AGAP1: variants seen among roughly 807,000 people sequenced by gnomAD.
AGAP1 encodes the protein ArfGAP with GTPase domain, ankyrin repeat and PH domain 1, also known as arf-GAP with GTPase, ANK repeat and PH domain-containing protein 1.
A neutral mutation model predicts 105.3 loss-of-function variants in AGAP1; 29 were observed. That is an observed-to-expected ratio of 0.28 (90% confidence interval 0.21 to 0.38). AGAP1 has a LOEUF of 0.38. AGAP1 is among the 10% of genes least tolerant of loss of function. The pLI is 1.00. For synonymous variants in AGAP1, 509 were observed against 485.9 expected (o/e 1.05, Z -0.63); for missense variants, 998 against 1,165.1 (o/e 0.86, Z 2.09).
At chr2:235,522,238 A>T (rs1942651048) in intron 1 of AGAP1, among the ~76,000 whole-genome samples, 1 of 152,184 alleles carries the variant, frequency 6.6e-6, no homozygotes, top group African/African-American at 2.4e-5. Context: ...GTGGACAGGG[A>T]GTCCAGATGG....
At chr2:235,532,480 A>G (rs934340753) in intron 1 of AGAP1, among the ~76,000 whole-genome samples, 2 of 152,228 alleles carry the variant, frequency 1.3e-5, no homozygotes, top group Non-Finnish European at 2.9e-5. Flanking sequence ...TGCTAGGATT[A>G]CAGGTGTGAG....
intron 1 of AGAP1, among the ~76,000 whole-genome samples, chr2:235,528,207 TC>T (rs1051450125): frequency 3.3e-5 from 5 of 151,218 alleles, no homozygotes; most frequent in Non-Finnish European, 4.4e-5. Context: ...TCCTTCCCCA[TC>T]CCCCCCACAT....
chr2:236,119,452 A>G lies in AGAP1; in HGVS notation c.2115-740A>G, dbSNP rs3754645. Among the ~76,000 whole-genome samples the G allele has an allele frequency of 0.32, 48,839 of 151,994 alleles. 8,072 individuals are homozygous for G. The highest frequency in any genetic ancestry group is 0.45 in the South Asian group (2,146 of 4,820). ...CCCTCTCCTGCGTGAGTCTGTTGCC[A>G]TGTTTTCCTCAGCTGAAAGGGTTTG... is the stretch of plus-strand genomic sequence containing the variant. On this transcript the variant is annotated intron_variant, in intron 16 of 17. Transcript: ENST00000304032. This position sits in a 1 kb window ranked among gnomAD's most constrained non-coding sequence, Gnocchi z 6.6.
intron 1 of AGAP1, among the ~76,000 whole-genome samples, chr2:235,514,183 C>T (rs1365395176): frequency 1.3e-5 from 2 of 148,454 alleles, no homozygotes; most frequent in Non-Finnish European, 1.5e-5. Context: ...CACACACACA[C>T]ATACCTCCTC....
intron 9 of AGAP1, among the ~76,000 whole-genome samples, chr2:235,835,534 G>GC (rs1393105736): frequency 6.6e-6 from 1 of 152,166 alleles, no homozygotes; most frequent in Non-Finnish European, 1.5e-5. Flanking sequence ...GTTGCCCACT[G>GC]CCCCACCCTG....
In AGAP1 at chr2:235,737,276, C is replaced by G. The variant is rs185818815; in HGVS notation, c.311-3687C>G. 1.3e-5 allele frequency among the ~76,000 whole-genome samples: 2 copies of G among 151,824 alleles called. No homozygotes were observed. The highest frequency in any genetic ancestry group is 4.8e-5 in the African/African-American group (2 of 41,388). ...TTTGCTTTCTGATTTAAGTGTAATACGAAAAAAAATCATGCAAATCAATTA... is the reference window on the plus strand; with the variant it reads ...TTTGCTTTCTGATTTAAGTGTAATAGGAAAAAAAATCATGCAAATCAATTA... On this transcript the variant is annotated intron_variant, in intron 3 of 17. Coordinates refer to ENST00000304032, the MANE Select transcript of AGAP1 (RefSeq NM_001037131.3). This position sits in a 1 kb window ranked among gnomAD's most constrained non-coding sequence, Gnocchi z 4.5.
At position 235,960,522 on chromosome 2, in the gene AGAP1, C is replaced by T. The variant is rs1575893494; in HGVS notation, c.1484-7940C>T. On this transcript the variant is annotated intron_variant, in intron 12 of 17. Transcript: ENST00000304032. The surrounding 1 kb of genome is among the most constrained non-coding windows in gnomAD (Gnocchi z 4.9). Reference sequence around the variant, plus strand: ...GTATGCTCGGTCCAGTGCAGGTGGGCGTGCGGACTCTTCCGTACCTCACTT... The same window carrying T: ...GTATGCTCGGTCCAGTGCAGGTGGGTGTGCGGACTCTTCCGTACCTCACTT... 6.6e-6 allele frequency among the ~76,000 whole-genome samples: 1 copy of T among 152,104 alleles called. No individual in the cohort carries two copies. The highest frequency in any genetic ancestry group is 1.5e-5 in the Non-Finnish European group (1 of 68,018).
At chr2:235,672,018 C>T (rs902053590) in intron 1 of AGAP1, among the ~76,000 whole-genome samples, 2 of 151,868 alleles carry the variant, frequency 1.3e-5, no homozygotes, top group Non-Finnish European at 2.9e-5. Context: ...GATATTGTGG[C>T]CACAGACAAG....
At chr2:235,688,438 C>T (rs1184685204) in intron 1 of AGAP1, among the ~76,000 whole-genome samples, 2 of 152,144 alleles carry the variant, frequency 1.3e-5, no homozygotes, top group East Asian at 3.9e-4. Flanking sequence ...CACTCACTCA[C>T]CTCTCACATT....
intron 11 of AGAP1, among the ~76,000 whole-genome samples, chr2:235,918,096 C>T (rs1159647711): frequency 2.0e-5 from 3 of 152,312 alleles, no homozygotes; most frequent in Middle Eastern, 3.4e-3. Flanking sequence ...TGTCCCCTGC[C>T]GGCATGCGGT....
intron 1 of AGAP1, among the ~76,000 whole-genome samples, chr2:235,575,269 A>G (rs149613849): frequency 5.9e-5 from 9 of 152,360 alleles, no homozygotes; most frequent in African/African-American, 1.4e-4. Flanking sequence ...CCTAAATTAC[A>G]TGTCATGTTT....
chr2:235,681,843 CTTTTTTTT>C (rs56934868), intron 1 of AGAP1, among the ~76,000 whole-genome samples: 179 of 78,344 alleles, frequency 2.3e-3, no homozygotes, highest in Non-Finnish European at 3.4e-3. Context: ...ATTTAGTTTG[CTTTTTTTT>C]TTTTTTTTTT....
In AGAP1 at chr2:235,882,584, TC is replaced by T; in HGVS notation, c.1051-757del. 1.9e-6 allele frequency: 1 copy of T among 536,488 alleles called. No individual in the cohort carries two copies. The highest frequency in any genetic ancestry group is 2.2e-5 in the South Asian group (1 of 45,938). 33.2% of individuals were successfully genotyped at this position (536,488 alleles called of 1,614,324 possible). ...GTTCAAGCAATTCCCCTGCTCAGCC[TC>T]CCCGAGTAGCTGGGATTATAGGTGC... On this transcript the variant is annotated intron_variant, in intron 9 of 17. Coordinates refer to ENST00000304032, the MANE Select transcript of AGAP1 (RefSeq NM_001037131.3). The surrounding 1 kb of genome is among the most constrained non-coding windows in gnomAD (Gnocchi z 4.6).
chr2:235,726,620 A>G (rs756985574), intron 3 of AGAP1, among the ~76,000 whole-genome samples: 31 of 152,042 alleles, frequency 2.0e-4, no homozygotes, highest in Non-Finnish European at 3.1e-4. Context: ...TGATCACGCC[A>G]TCTCTCTGGA....
chr2:235,783,295 A>G (rs1417131588), intron 6 of AGAP1: 3 of 468,370 alleles, frequency 6.4e-6, no homozygotes, highest in South Asian at 1.6e-5. Flanking sequence ...CCTTTTACCT[A>G]TAGCTAACAT....
intron 11 of AGAP1, among the ~76,000 whole-genome samples, chr2:235,911,814 C>G (rs905407659): frequency 2.6e-5 from 4 of 152,258 alleles, no homozygotes; most frequent in Non-Finnish European, 5.9e-5. Context: ...ATCTCCGCAA[C>G]CCTCAAACAG....
At chr2:235,895,329 G>C (rs1417925664) in intron 10 of AGAP1, among the ~76,000 whole-genome samples, 1 of 144,992 alleles carries the variant, frequency 6.9e-6, no homozygotes, top group African/African-American at 2.5e-5. Context: ...CCCTGCTCTT[G>C]CCCCAGCTTG....
At chr2:235,629,863 C>CAAAAAAA (rs10691632) in intron 1 of AGAP1, among the ~76,000 whole-genome samples, 29 of 95,528 alleles carry the variant, frequency 3.0e-4, no homozygotes, top group Admixed American at 3.9e-4. Context: ...GACCCTGTCT[C>CAAAAAAA]AAAAAAAAAA....
intron 13 of AGAP1, among the ~76,000 whole-genome samples, chr2:236,011,425 C>T (rs1476787684): frequency 2.0e-5 from 3 of 152,298 alleles, no homozygotes; most frequent in East Asian, 1.9e-4. Context: ...CATTGAGATT[C>T]GCGTATGTGT....
Sources: allele counts gnomAD v4.1 joint callset (sites outside exome capture counted in the v4.1 genomes callset), GRCh38; gene constraint gnomAD v4.1.1; non-coding constraint Gnocchi (gnomAD v3.1); transcripts MANE v1.5; gene names NCBI Gene and HGNC (gene_info 2026-07-23, HGNC 2026-07-21).